The following KCNH7 variants were observed in gnomAD, a reference collection of about 807,000 sequenced individuals.
The protein encoded by KCNH7 is voltage-gated inwardly rectifying potassium channel KCNH7.
KCNH7 carries 49 observed loss-of-function variants against 120.8 expected under a neutral mutation model. The ratio of observed to expected loss-of-function variants is 0.41; its 90% CI spans 0.32 to 0.51. The LOEUF (loss-of-function observed/expected upper bound fraction) is 0.51, where lower values mean the gene tolerates loss of function less well. Ranked by LOEUF, KCNH7 falls within the 20% of genes least tolerant of loss-of-function variation. The pLI, the probability that KCNH7 is intolerant of heterozygous loss-of-function variation, is 0.38. For missense variants in KCNH7, 1,097 were observed against 1,446.6 expected (o/e 0.76, Z 3.92); for synonymous variants, 547 against 516.1 (o/e 1.06, Z -0.81).
At chr2:162,506,630 C>T (rs1450584760) in intron 5 of KCNH7, among the ~76,000 whole-genome samples, 1 of 151,604 alleles carries the variant, frequency 6.6e-6, no homozygotes, top group Non-Finnish European at 1.5e-5. Flanking sequence ...TTTTATCATC[C>T]TTCTCTATGC....
At chr2:162,607,240 A>G (rs1376113231) in intron 2 of KCNH7, among the ~76,000 whole-genome samples, 1 of 134,578 alleles carries the variant, frequency 7.4e-6, no homozygotes, top group African/African-American at 2.8e-5. Context: ...AAAAAAAAAA[A>G]ATAGCCGAGC....
intron 2 of KCNH7, among the ~76,000 whole-genome samples, chr2:162,804,948 T>A (rs1049141938): frequency 1.3e-5 from 2 of 151,818 alleles, no homozygotes; most frequent in African/African-American, 4.8e-5. Context: ...GCCAAATTCT[T>A]ATAACCAACT....
chr2:162,682,860 A>G (rs1685760859), intron 2 of KCNH7, among the ~76,000 whole-genome samples: 7 of 151,820 alleles, frequency 4.6e-5, no homozygotes, highest in Admixed American at 4.6e-4. Context: ...ATAATTTCCT[A>G]AATGTTGGTC....
At chr2:162,794,367 T>A (rs1573894362) in intron 2 of KCNH7, among the ~76,000 whole-genome samples, 1 of 152,012 alleles carries the variant, frequency 6.6e-6, no homozygotes, top group Non-Finnish European at 1.5e-5. Context: ...GCAATCTACT[T>A]CTTGTTCTTG....
intron 3 of KCNH7, among the ~76,000 whole-genome samples, chr2:162,520,682 T>C (rs142639202): frequency 6.6e-6 from 1 of 151,848 alleles, no homozygotes; most frequent in South Asian, 2.1e-4. Flanking sequence ...AGTGGGAGGA[T>C]AGATTGAGCC....
At chr2:162,729,322 C>T (rs1168818291) in intron 2 of KCNH7, among the ~76,000 whole-genome samples, 3 of 152,076 alleles carry the variant, frequency 2.0e-5, no homozygotes, top group East Asian at 1.9e-4. Context: ...CCCGACACCA[C>T]GCCCGGCTAA....
At chr2:162,648,806 T>C (rs10209276) in intron 2 of KCNH7, among the ~76,000 whole-genome samples, 66,247 of 151,842 alleles carry the variant, frequency 0.44, 18,613 homozygotes, top group African/African-American at 0.78. Context: ...TGATTTAAGA[T>C]CAGTTCAAAT....
At chr2:162,817,322 C>A (rs935987003) in intron 2 of KCNH7, among the ~76,000 whole-genome samples, 2 of 152,112 alleles carry the variant, frequency 1.3e-5, no homozygotes, top group Non-Finnish European at 2.9e-5. Flanking sequence ...ATATGCAATG[C>A]GCATTCTTTT....
chr2:162,685,052 A>G (rs1020500352), intron 2 of KCNH7, among the ~76,000 whole-genome samples: 5 of 152,000 alleles, frequency 3.3e-5, no homozygotes, highest in Non-Finnish European at 5.9e-5. Context: ...TTGCGGGGAC[A>G]TGGATAAAGG....
intron 2 of KCNH7, among the ~76,000 whole-genome samples, chr2:162,555,978 ATAT>A (rs1692842501): frequency 6.6e-6 from 1 of 152,094 alleles, no homozygotes; most frequent in African/African-American, 2.4e-5. Context: ...TTCTTCACAA[ATAT>A]TATTAATAAA....
intron 2 of KCNH7, among the ~76,000 whole-genome samples, chr2:162,712,041 A>C (rs1335519669): frequency 1.3e-5 from 2 of 152,172 alleles, no homozygotes; most frequent in African/African-American, 4.8e-5. Flanking sequence ...GCTTCACAAC[A>C]GGACCCAAGT....
intron 6 of KCNH7, among the ~76,000 whole-genome samples, chr2:162,446,968 A>G (rs921797964): frequency 1.8e-4 from 28 of 152,226 alleles, no homozygotes; most frequent in Admixed American, 1.4e-3. Context: ...TCCCACCTGC[A>G]ATCTGTTTTT....
At chr2:162,668,837 C>A (rs1050159123) in intron 2 of KCNH7, among the ~76,000 whole-genome samples, 6 of 151,996 alleles carry the variant, frequency 3.9e-5, no homozygotes, top group Non-Finnish European at 8.8e-5. Context: ...TAAAAACCAT[C>A]GTAAGTACAT....
chr2:162,444,900 T>A (rs1573966265), intron 7 of KCNH7, among the ~76,000 whole-genome samples: 1 of 152,058 alleles, frequency 6.6e-6, no homozygotes, highest in South Asian at 2.1e-4. Context: ...ACATGTACTA[T>A]CTCATTAGAG....
chr2:162,782,934 A>T (rs1683554724), intron 2 of KCNH7, among the ~76,000 whole-genome samples: 1 of 152,152 alleles, frequency 6.6e-6, no homozygotes, highest in Admixed American at 6.5e-5. Flanking sequence ...GTGAAAGTGG[A>T]GTAGTTGAGT....
chr2:162,456,341 T>A (rs971133545), intron 6 of KCNH7, among the ~76,000 whole-genome samples: 1 of 147,760 alleles, frequency 6.8e-6, no homozygotes, highest in East Asian at 1.9e-4. Context: ...GAAATTATAA[T>A]TTATACATTA....
chr2:162,445,914 G>T, intron 7 of KCNH7, 104 bp downstream of exon 7: 1 of 843,090 alleles, frequency 1.2e-6, no homozygotes, highest in Non-Finnish European at 1.8e-6. Flanking sequence ...TTTTATCAGT[G>T]AGATACAAGA....
chr2:162,745,733 C>A (rs970940637), intron 2 of KCNH7, among the ~76,000 whole-genome samples: 2 of 151,546 alleles, frequency 1.3e-5, no homozygotes, highest in African/African-American at 4.8e-5. Context: ...TTTAAGACAA[C>A]CAAAATTTAA....
At chr2:162,423,167 G>A (rs1399229157) in intron 9 of KCNH7, 169 bp downstream of exon 9, 8 of 1,386,338 alleles carry the variant, frequency 5.8e-6, no homozygotes, top group Non-Finnish European at 7.9e-6. Flanking sequence ...ATAGCACCAT[G>A]CAATGCCATG....
Sources: gnomAD v4.1 joint callset for allele counts (sites outside exome capture counted in the v4.1 genomes callset) on GRCh38, gnomAD v4.1.1 for gene constraint, MANE v1.5 for transcripts, NCBI Gene and HGNC (gene_info 2026-07-23, HGNC 2026-07-21) for gene names.